Variants in CORIN observed in about 807,000 individuals in gnomAD.
CORIN encodes atrial natriuretic peptide-converting enzyme.
CORIN carries 117 observed loss-of-function variants against 125.3 expected under a neutral mutation model. The ratio of observed to expected loss-of-function variants is 0.93; its 90% CI spans 0.80 to 1.09. The LOEUF (loss-of-function observed/expected upper bound fraction) is 1.09, where lower values mean the gene tolerates loss of function less well. Among genes scored for constraint, CORIN ranks in the 50% least tolerant of loss-of-function variants. The pLI, the probability that CORIN is intolerant of heterozygous loss-of-function variation, is 0.00. For missense variants in CORIN, 1,253 were observed against 1,306.7 expected (o/e 0.96, Z 0.63); for synonymous variants, 450 against 466.4 (o/e 0.96, Z 0.45).
chr4:47,653,001 A>G lies in CORIN; in HGVS notation c.1843+552T>C, dbSNP rs903803591. Among the ~76,000 whole-genome samples the G allele has an allele frequency of 4.6e-5, 7 of 152,278 alleles. No individual in the cohort carries two copies. The East Asian group carries it at 1.3e-3, about 29-fold the overall frequency. ...TTTGCAAATATAGTAGTGCCCCTCC[A>G]CCCTTATCTGAAGTTTCAGTTTCCA... is the stretch of plus-strand genomic sequence containing the variant. On this transcript the variant is annotated intron_variant, in intron 13 of 21. Transcript: ENST00000273857.
At chr4:47,785,454 A>C (rs1730747822) in intron 3 of CORIN, among the ~76,000 whole-genome samples, 1 of 151,834 alleles carries the variant, frequency 6.6e-6, no homozygotes, top group Non-Finnish European at 1.5e-5. Context: ...GGAATAACTA[A>C]CAAATCCTTC....
chr4:47,683,568 CT>C (rs1725382072), intron 7 of CORIN, 162 bp downstream of exon 7: 2 of 571,406 alleles, frequency 3.5e-6, no homozygotes, highest in Non-Finnish European at 6.2e-6. Context: ...TAAGACATTA[CT>C]GAGGACAGTG....
At chr4:47,783,565 C>T (rs1730644626) in intron 3 of CORIN, among the ~76,000 whole-genome samples, 1 of 151,904 alleles carries the variant, frequency 6.6e-6, no homozygotes, top group South Asian at 2.1e-4. Flanking sequence ...GAATGTCTGG[C>T]CATTGTATTT....
intron 21 of CORIN, among the ~76,000 whole-genome samples, chr4:47,598,689 C>T (rs1486981864): frequency 6.6e-6 from 1 of 152,164 alleles, no homozygotes; most frequent in East Asian, 1.9e-4. Flanking sequence ...CAGTCTACCA[C>T]CTTCATGCTG....
intron 6 of CORIN, among the ~76,000 whole-genome samples, chr4:47,690,704 C>T (rs926103733): frequency 1.3e-5 from 2 of 152,214 alleles, no homozygotes; most frequent in South Asian, 2.1e-4. Flanking sequence ...AAACTTCCTT[C>T]TCCTCTCATG....
chr4:47,674,799 G>T (rs188457048), intron 9 of CORIN, among the ~76,000 whole-genome samples: 179 of 152,230 alleles, frequency 1.2e-3, no homozygotes, highest in African/African-American at 4.1e-3. Flanking sequence ...TTACATGGGT[G>T]CCAACACTTG....
intron 5 of CORIN, among the ~76,000 whole-genome samples, chr4:47,722,388 G>A (rs779205899): frequency 6.6e-6 from 1 of 152,020 alleles, no homozygotes; most frequent in African/African-American, 2.4e-5. Flanking sequence ...CTTTCTTACC[G>A]CCCTTTTCGC....
intron 4 of CORIN, among the ~76,000 whole-genome samples, chr4:47,755,291 A>G (rs146222639): frequency 1.2e-4 from 18 of 152,332 alleles, no homozygotes; most frequent in Admixed American, 5.9e-4. Flanking sequence ...GCCCTGTGGA[A>G]GAACACAGAA....
intron 19 of CORIN, among the ~76,000 whole-genome samples, chr4:47,606,157 T>C (rs1721637449): frequency 6.6e-6 from 1 of 152,208 alleles, no homozygotes; most frequent in South Asian, 2.1e-4. Flanking sequence ...ACAAACATTG[T>C]AATTGAGTGA....
At chr4:47,720,121 A>C (rs553898579) in intron 5 of CORIN, among the ~76,000 whole-genome samples, 1 of 152,340 alleles carries the variant, frequency 6.6e-6, no homozygotes, top group East Asian at 1.9e-4. Context: ...CTACAAATAA[A>C]TAAAAGGAAA....
chr4:47,657,450 G>A (rs1459943089), intron 12 of CORIN, among the ~76,000 whole-genome samples: 2 of 150,900 alleles, frequency 1.3e-5, no homozygotes, highest in African/African-American at 4.9e-5. Context: ...CAGGAGAATG[G>A]CGAGAACCCA....
At chr4:47,738,355 C>T (rs192231706) in intron 5 of CORIN, among the ~76,000 whole-genome samples, 14 of 152,288 alleles carry the variant, frequency 9.2e-5, no homozygotes, top group African/African-American at 2.9e-4. Context: ...ACTATGCACC[C>T]TAACATGCAC....
At chr4:47,645,262 G>A in intron 13 of CORIN, 68 bp from the exon 14 acceptor site, 7 of 1,020,086 alleles carry the variant, frequency 6.9e-6, no homozygotes, top group South Asian at 1.4e-5. Flanking sequence ...TTCAATCAAT[G>A]TAGAAAAATT....
intron 5 of CORIN, among the ~76,000 whole-genome samples, chr4:47,739,533 T>C (rs542975305): frequency 6.6e-6 from 1 of 152,080 alleles, no homozygotes; most frequent in South Asian, 2.1e-4. Flanking sequence ...AACCACCCTG[T>C]AAGAAGTACT....
At chr4:47,701,976 T>C (rs1235923207) in intron 5 of CORIN, among the ~76,000 whole-genome samples, 2 of 152,142 alleles carry the variant, frequency 1.3e-5, no homozygotes, top group Non-Finnish European at 2.9e-5. Context: ...CATGGGCAAT[T>C]TTTAAACTTT....
At chr4:47,671,580 T>TA (rs1724761609) in intron 10 of CORIN, among the ~76,000 whole-genome samples, 2 of 152,098 alleles carry the variant, frequency 1.3e-5, no homozygotes, top group African/African-American at 4.8e-5. Flanking sequence ...ACGCCTTATT[T>TA]TTTATTTATT....
rs76191550 is a variant in CORIN, at chr4:47,793,284, G to A, written c.209-6359C>T. Among the ~76,000 whole-genome samples, 1,203 of 152,268 alleles carry A rather than the reference G, an allele frequency of 7.9e-3. 13 individuals carry two copies. The highest frequency in any genetic ancestry group is 0.028 in the African/African-American group (1,144 of 41,542). On this transcript the variant is annotated intron_variant, in intron 2 of 21. Coordinates refer to ENST00000273857, the MANE Select transcript of CORIN (RefSeq NM_006587.4). ...CCCGAGCAGAACACCTAGCACCAGT[G>A]TAGGGCTCCATAAATATTCGTTGAA...
At chr4:47,620,924 CA>C (rs2109547423) in intron 19 of CORIN, among the ~76,000 whole-genome samples, 2 of 152,094 alleles carry the variant, frequency 1.3e-5, no homozygotes, top group East Asian at 3.9e-4. Context: ...GGCAAATAGG[CA>C]AAAAATGAAA....
chr4:47,719,815 G>A (rs1210135017), intron 5 of CORIN, among the ~76,000 whole-genome samples: 1 of 152,124 alleles, frequency 6.6e-6, no homozygotes, highest in Non-Finnish European at 1.5e-5. Flanking sequence ...CAGATCCCGT[G>A]GGGCCACTCA....
Sources: gnomAD v4.1 joint callset for allele counts (sites outside exome capture counted in the v4.1 genomes callset) on GRCh38, gnomAD v4.1.1 for gene constraint, MANE v1.5 for transcripts, NCBI Gene and HGNC (gene_info 2026-07-23, HGNC 2026-07-21) for gene names.